IFT80: variants seen among roughly 807,000 people sequenced by gnomAD.
IFT80 encodes intraflagellar transport 80.
Under a neutral mutation model 107.9 loss-of-function variants are expected in IFT80, and 79 were observed. That is an observed-to-expected ratio of 0.73 (90% confidence interval 0.61 to 0.88). IFT80 has a LOEUF of 0.88. Among genes scored for constraint, IFT80 ranks in the 40% least tolerant of loss-of-function variants. The pLI, the probability that IFT80 is intolerant of heterozygous loss-of-function variation, is 0.00. For synonymous variants in IFT80, 299 were observed against 300.9 expected (o/e 0.99, Z 0.07); for missense variants, 797 against 914.2 (o/e 0.87, Z 1.65).
At chr3:160,333,218 G>T (rs1265835251) in intron 8 of IFT80, among the ~76,000 whole-genome samples, 2 of 152,300 alleles carry the variant, frequency 1.3e-5, no homozygotes, top group East Asian at 3.9e-4. Context: ...GAGCTTGCAG[G>T]CTTGGAAGTT....
chr3:160,326,609 C>A (rs960217427), intron 8 of IFT80, among the ~76,000 whole-genome samples: 1 of 151,880 alleles, frequency 6.6e-6, no homozygotes, highest in African/African-American at 2.4e-5. Context: ...AAAAGGCTTC[C>A]GATAAAATTC....
intron 9 of IFT80, among the ~76,000 whole-genome samples, chr3:160,313,377 C>T (rs1296365326): frequency 6.6e-6 from 1 of 151,468 alleles, no homozygotes; most frequent in African/African-American, 2.4e-5. Flanking sequence ...TTTAAAAATA[C>T]AATTAATTGT....
intron 9 of IFT80, among the ~76,000 whole-genome samples, chr3:160,310,700 T>G (rs1717175823): frequency 2.0e-5 from 3 of 152,182 alleles, no homozygotes; most frequent in Admixed American, 1.3e-4. Context: ...CTGAACACGC[T>G]GATCAAATCT....
Position 160,258,094 on chromosome 3 carries a change from C to T in IFT80, c.*431G>A. 1.5e-5 allele frequency: 3 copies of T among 205,342 alleles called. No homozygotes were observed. The highest frequency in any genetic ancestry group is 8.0e-5 in the South Asian group (1 of 12,426). 12.7% of individuals were successfully genotyped at this position (205,342 alleles called of 1,614,324 possible). Reference sequence around the variant, plus strand: ...GGCATTTTATACATTTGTACAAATCCATCCTCATGTATTTTTGTTCTATAA... The same window carrying T: ...GGCATTTTATACATTTGTACAAATCTATCCTCATGTATTTTTGTTCTATAA... On this transcript the variant is annotated 3_prime_UTR_variant, in exon 20 of 20. Coordinates refer to ENST00000326448, the MANE Select transcript of IFT80 (RefSeq NM_020800.3).
intron 12 of IFT80, among the ~76,000 whole-genome samples, chr3:160,288,100 T>G (rs1394560072): frequency 1.3e-5 from 2 of 152,154 alleles, no homozygotes; most frequent in African/African-American, 4.8e-5. Flanking sequence ...ATCCCAGCAC[T>G]TTGGGAGGCC....
At position 160,257,138 on chromosome 3, in the gene IFT80, A is replaced by ACTGCT. The variant is rs1324910548; in HGVS notation, c.*1382_*1386dup. ...CATACACAGTACAACTTGTAAGTAC[A>ACTGCT]CTGCTCAATCAGATTTCATCTGGAT... is the stretch of plus-strand genomic sequence containing the variant. On this transcript the variant is annotated 3_prime_UTR_variant, in exon 20 of 20. Coordinates refer to ENST00000326448, the MANE Select transcript of IFT80 (RefSeq NM_020800.3). 6.6e-6 allele frequency: 1 copy of ACTGCT among 152,216 alleles called. No homozygotes were observed. The highest frequency in any genetic ancestry group is 6.5e-5 in the Admixed American group (1 of 15,278). The allele number at this position is 152,216 out of a possible 1,614,324, so 9.4% of individuals were successfully genotyped here.
chr3:160,365,535 T>C lies in IFT80; in HGVS notation c.549+508A>G, dbSNP rs36095600. Among the ~76,000 whole-genome samples the C allele has an allele frequency of 2.7e-3, 417 of 152,226 alleles. 7 individuals carry two copies. The South Asian group carries it at 0.031, about 11-fold the overall frequency. On this transcript the variant is annotated intron_variant, in intron 6 of 19. Transcript: ENST00000326448. ...AAGGTAGAGATGGCACAGCAACTTA[T>C]AATAGCATAATAATACAGATAATAA... is the stretch of plus-strand genomic sequence containing the variant.
intron 8 of IFT80, among the ~76,000 whole-genome samples, chr3:160,344,870 A>G (rs568241357): frequency 6.6e-6 from 1 of 152,318 alleles, no homozygotes; most frequent in South Asian, 2.1e-4. Context: ...CATCAGAGAA[A>G]TGCAAATCAA....
At chr3:160,288,796 A>G (rs902491709) in intron 12 of IFT80, among the ~76,000 whole-genome samples, 1 of 152,086 alleles carries the variant, frequency 6.6e-6, no homozygotes, top group Non-Finnish European at 1.5e-5. Context: ...ATTATTAAAA[A>G]GTCAAAAAAT....
chr3:160,301,159 G>C, intron 11 of IFT80, 113 bp from the exon 12 acceptor site: 1 of 1,013,124 alleles, frequency 9.9e-7, no homozygotes, highest in Non-Finnish European at 1.4e-6. Context: ...TACAATTAAT[G>C]TAAATGTGTA....
intron 8 of IFT80, among the ~76,000 whole-genome samples, chr3:160,346,047 G>A (rs1326050095): frequency 6.6e-6 from 1 of 152,020 alleles, no homozygotes; most frequent in Admixed American, 6.6e-5. Flanking sequence ...AAAAATTAAA[G>A]TTAAATAAAT....
In IFT80 at chr3:160,328,544, G is replaced by A. The variant is rs558170567; in HGVS notation, c.778-8605C>T. On this transcript the variant is annotated intron_variant, in intron 8 of 19. Transcript: ENST00000326448. Reference sequence around the variant, plus strand: ...GAAAAAGGAATGGTTTTACACTGTCGGTGGGAGTGTAAATTAGTTCATTGT... The same window carrying A: ...GAAAAAGGAATGGTTTTACACTGTCAGTGGGAGTGTAAATTAGTTCATTGT... Among the ~76,000 whole-genome samples, 20 of 151,658 alleles carry A rather than the reference G, an allele frequency of 1.3e-4. No individual in the cohort carries two copies. The South Asian group carries it at 3.3e-3, about 25-fold the overall frequency.
At position 160,319,864 on chromosome 3, in the gene IFT80, C is replaced by A. The variant is rs775067004; in HGVS notation, c.853G>T (p.Ala285Ser). ...IAWSIDGTQI[A>S]GACGNGHVVF... ...ACATGTCCATTTCCACAGGCTCCAG[C>A]AATCTGAGTGCCATCGATAGACCAT... Residue 285 changes from alanine to serine, a missense_variant, in exon 9 of 20, where the codon GCT becomes TCT. Physicochemically the swap from Ala to Ser is moderately conservative, Grantham distance 99. Transcript: ENST00000326448. 1.2e-6 allele frequency: 2 copies of A among 1,612,818 alleles called. No homozygotes were observed. The highest frequency in any genetic ancestry group is 2.2e-5 in the South Asian group (2 of 91,044).
chr3:160,268,289 AAG>A (rs1713506070), intron 19 of IFT80, 122 bp downstream of exon 19: 1 of 860,578 alleles, frequency 1.2e-6, no homozygotes, highest in Admixed American at 2.5e-5. Context: ...ATAAGGCAAA[AAG>A]TAATTCTTTT....
At position 160,257,082 on chromosome 3, in the gene IFT80, T is replaced by C. The variant is rs1411435509; in HGVS notation, c.*1443A>G. 6.6e-6 allele frequency: 1 copy of C among 152,172 alleles called. No homozygotes were observed. Among genetic ancestry groups the C allele is most frequent in the Non-Finnish European group, 1.5e-5 (1 of 68,020 alleles). 9.4% of individuals were successfully genotyped at this position (152,172 alleles called of 1,614,324 possible). ...CCATTTATTTTTAAACATTTTAAGCTTCTTATTGAAATATAACAATATAGG... is the reference window on the plus strand; with the variant it reads ...CCATTTATTTTTAAACATTTTAAGCCTCTTATTGAAATATAACAATATAGG... On this transcript the variant is annotated 3_prime_UTR_variant, in exon 20 of 20. Transcript: ENST00000326448.
rs531497199 is a variant in IFT80 at position 160,332,351 on chromosome 3, A to G, written c.778-12412T>C. ...TGCTCAACCAGCAGGTGGGGAGCAA[A>G]AGAGAGAGGGTGAAACCTTTGGGTG... is the stretch of plus-strand genomic sequence containing the variant. On this transcript the variant is annotated intron_variant, in intron 8 of 19. Transcript: ENST00000326448. Among the ~76,000 whole-genome samples, 18 of 152,250 alleles carry G rather than the reference A, an allele frequency of 1.2e-4. No homozygotes were observed. In the South Asian group the frequency reaches 3.5e-3, roughly 30 times the overall value.
intron 5 of IFT80, among the ~76,000 whole-genome samples, chr3:160,369,293 C>A (rs1722074472): frequency 6.6e-6 from 1 of 151,720 alleles, no homozygotes; most frequent in Admixed American, 6.6e-5. Context: ...GCAATGGAAA[C>A]AAATAAATTA....
At chr3:160,262,520 T>C (rs1712935743) in intron 19 of IFT80, among the ~76,000 whole-genome samples, 1 of 151,956 alleles carries the variant, frequency 6.6e-6, no homozygotes, top group Admixed American at 6.6e-5. Context: ...AGGTCTCACT[T>C]TGTTACCCAG....
chr3:160,380,813 T>C (rs1432655709), intron 3 of IFT80, among the ~76,000 whole-genome samples: 2 of 152,190 alleles, frequency 1.3e-5, no homozygotes, highest in East Asian at 1.9e-4. Context: ...AAATAAAGTA[T>C]GTATTTTAAC....
Sources: allele counts gnomAD v4.1 joint callset (sites outside exome capture counted in the v4.1 genomes callset), GRCh38; gene constraint gnomAD v4.1.1; transcripts MANE v1.5; gene names NCBI Gene and HGNC (gene_info 2026-07-23, HGNC 2026-07-21).